Variants in SDAD1 observed in about 807,000 individuals in gnomAD.
SDAD1 encodes SDA1 domain containing 1.
Under a neutral mutation model 100.3 loss-of-function variants are expected in SDAD1, and 79 were observed. That is an observed-to-expected ratio of 0.79 (90% confidence interval 0.66 to 0.95). SDAD1 has a LOEUF of 0.95. SDAD1 is among the 40% of genes least tolerant of loss of function. SDAD1 has a pLI of 0.00. For missense variants in SDAD1, 790 were observed against 810.9 expected, an observed-to-expected ratio of 0.97 and a Z score of 0.31; for synonymous variants, 267 against 271.4, an observed-to-expected ratio of 0.98 and a Z score of 0.16.
intron 3 of SDAD1, among the ~76,000 whole-genome samples, chr4:75,979,309 T>C (rs1293454157): frequency 2.6e-5 from 4 of 151,970 alleles, no homozygotes; most frequent in Non-Finnish European, 4.4e-5. Flanking sequence ...AAATAGCAAA[T>C]ACACCAGGTA....
At chr4:75,973,641 A>C (rs897667113) in intron 7 of SDAD1, among the ~76,000 whole-genome samples, 4 of 152,176 alleles carry the variant, frequency 2.6e-5, no homozygotes, top group African/African-American at 9.6e-5. Flanking sequence ...GAGAATTTCT[A>C]CATCCCCTAT....
At position 75,977,760 on chromosome 4, in the gene SDAD1, G is replaced by C. The variant is rs779010872; in HGVS notation, c.295-4C>G. On this transcript the variant is annotated splice_region_variant and splice_polypyrimidine_tract_variant and intron_variant, in intron 3 of 21. Transcript: ENST00000356260. The stretch of plus-strand genomic sequence containing the variant: ...AGATCAAAGCTTTGCAAAATGTCTC[G>C]GGAAGGAAAAAAACATACCATAAGA... The C allele has an allele frequency of 2.8e-5, 44 of 1,573,590 alleles. No homozygotes were observed. Among genetic ancestry groups the C allele is most frequent in the Non-Finnish European group, 3.7e-5 (43 of 1,147,370 alleles).
At chr4:75,967,935 G>A (rs1474393984) in intron 11 of SDAD1, among the ~76,000 whole-genome samples, 1 of 152,128 alleles carries the variant, frequency 6.6e-6, no homozygotes, top group Non-Finnish European at 1.5e-5. Flanking sequence ...AAATGGTAAT[G>A]TTTAATTTCA....
chr4:75,981,596 A>T, intron 2 of SDAD1, 126 bp from the exon 3 acceptor site: 1 of 1,480,878 alleles, frequency 6.8e-7, no homozygotes, highest in Non-Finnish European at 9.1e-7. Flanking sequence ...ATGGTTCCAA[A>T]CAACCTTCTT....
intron 21 of SDAD1, among the ~76,000 whole-genome samples, chr4:75,952,612 C>A (rs963332190): frequency 6.6e-6 from 1 of 152,130 alleles, no homozygotes; most frequent in African/African-American, 2.4e-5. Context: ...ACTGAAATAT[C>A]ACCAAAGGGT....
intron 4 of SDAD1, 116 bp downstream of exon 4, chr4:75,977,530 T>C: frequency 1.4e-6 from 1 of 725,012 alleles, no homozygotes; most frequent in Middle Eastern, 3.7e-4. Flanking sequence ...CACACAATGG[T>C]TGCTTTTTCC....
chr4:75,966,367 AAAG>A (rs1413257289), intron 12 of SDAD1, among the ~76,000 whole-genome samples: 2 of 151,990 alleles, frequency 1.3e-5, no homozygotes, highest in Admixed American at 6.6e-5. Flanking sequence ...GCCACTGGCA[AAAG>A]AAGTGAGGTG....
rs749994508 is a variant in SDAD1 at position 75,960,203 on chromosome 4, A to G, written c.1357-11T>C. The stretch of plus-strand genomic sequence containing the variant: ...CTCTGTAGGCTTACCCTAAAGGAAA[A>G]GAAATTGTTTGTAATAAGTTGCTTA... On this transcript the variant is annotated splice_polypyrimidine_tract_variant and intron_variant, in intron 16 of 21. Transcript: ENST00000356260. The G allele has an allele frequency of 6.4e-7, 1 of 1,559,676 alleles. No homozygotes were observed. The highest frequency in any genetic ancestry group is 2.2e-5 in the Admixed American group (1 of 45,894).
At position 75,980,450 on chromosome 4, in the gene SDAD1, T is replaced by C. The variant is rs550340010; in HGVS notation, c.294+922A>G. ...GATATTAGTACGTTTTGTGATCATA[T>C]TTGCGTACTTATCTGCTGTAAAGAG... On this transcript the variant is annotated intron_variant, in intron 3 of 21. Coordinates refer to ENST00000356260, the MANE Select transcript of SDAD1 (RefSeq NM_018115.4). 1.1e-4 allele frequency among the ~76,000 whole-genome samples: 17 copies of C among 152,356 alleles called. 1 individual carries two copies. In the South Asian group the frequency reaches 3.3e-3, roughly 30 times the overall value.
At chr4:75,957,965 T>C in intron 17 of SDAD1, 24 bp from the exon 18 acceptor site, 1 of 1,575,972 alleles carries the variant, frequency 6.3e-7, no homozygotes, top group Non-Finnish European at 8.7e-7. Flanking sequence ...GCAAACCCAC[T>C]ACTGCCATTT....
At chr4:75,969,918 ATG>A (rs1462234738) in intron 10 of SDAD1, among the ~76,000 whole-genome samples, 1 of 151,888 alleles carries the variant, frequency 6.6e-6, no homozygotes. Context: ...GGTGAGACCA[ATG>A]TGTGGCCTAG....
chr4:75,959,419 C>T (rs1227631132), intron 17 of SDAD1, among the ~76,000 whole-genome samples: 1 of 151,982 alleles, frequency 6.6e-6, no homozygotes, highest in African/African-American at 2.4e-5. Flanking sequence ...GCCTGGCCAA[C>T]ATGGTGAAAC....
At chr4:75,966,408 G>A (rs1342785081) in intron 12 of SDAD1, among the ~76,000 whole-genome samples, 1 of 152,074 alleles carries the variant, frequency 6.6e-6, no homozygotes, top group Non-Finnish European at 1.5e-5. Flanking sequence ...TATTTGCTGA[G>A]TGACTCTAGT....
At chr4:75,969,140 AAT>A (rs1404359150) in intron 11 of SDAD1, among the ~76,000 whole-genome samples, 154 bp downstream of exon 11, 1 of 152,182 alleles carries the variant, frequency 6.6e-6, no homozygotes, top group Admixed American at 6.5e-5. Flanking sequence ...AAGTGATAAA[AAT>A]AGTTATTTTC....
intron 1 of SDAD1, among the ~76,000 whole-genome samples, chr4:75,987,094 A>G (rs1730945936): frequency 6.6e-6 from 1 of 152,216 alleles, no homozygotes; most frequent in Admixed American, 6.5e-5. Context: ...AAAGTCCTTT[A>G]AAGAGTTGTC....
intron 1 of SDAD1, among the ~76,000 whole-genome samples, chr4:75,988,412 C>T (rs1731029895): frequency 6.6e-6 from 1 of 152,158 alleles, no homozygotes; most frequent in Admixed American, 6.5e-5. Flanking sequence ...TCTTCCTAAA[C>T]ATATGCACAG....
intron 12 of SDAD1, among the ~76,000 whole-genome samples, chr4:75,966,156 T>C (rs536083444): frequency 6.6e-6 from 1 of 152,294 alleles, no homozygotes; most frequent in African/African-American, 2.4e-5. Context: ...TGCCTCCAGA[T>C]GTAAGCCATG....
chr4:75,973,362 A>G lies in SDAD1; in HGVS notation c.666T>C (p.Leu222=). Residue 222 remains leucine, a synonymous_variant, in exon 8 of 22, where the codon CTT becomes CTC. Coordinates refer to ENST00000356260, the MANE Select transcript of SDAD1 (RefSeq NM_018115.4). ...CCTGTTTTTCATCTTCATCTTTCCC[A>G]AGAAAGAATGTCAAAGCGGCAACTA... ...KILVAALTFF[L]GKDEDEKQDS... The G allele has an allele frequency of 6.2e-7, 1 of 1,613,692 alleles. No homozygotes were observed. Among genetic ancestry groups the G allele is most frequent in the South Asian group, 1.1e-5 (1 of 91,072 alleles).
chr4:75,951,423 A>C (rs1486222447), intron 21 of SDAD1, among the ~76,000 whole-genome samples: 1 of 152,222 alleles, frequency 6.6e-6, no homozygotes, highest in Non-Finnish European at 1.5e-5. Flanking sequence ...CAGAAATTGA[A>C]GCCCTGACAA....
Sources: allele counts gnomAD v4.1 joint callset (sites outside exome capture counted in the v4.1 genomes callset), GRCh38; gene constraint gnomAD v4.1.1; transcripts MANE v1.5; gene names NCBI Gene and HGNC (gene_info 2026-07-23, HGNC 2026-07-21).